Variants in TMTC2 observed in about 807,000 individuals in gnomAD.
TMTC2 encodes transmembrane O-mannosyltransferase targeting cadherins 2.
In TMTC2, 43 loss-of-function variants were observed where a neutral mutation model predicts 82.4. The ratio of observed to expected loss-of-function variants is 0.52; its 90% CI spans 0.41 to 0.67. TMTC2 has a LOEUF of 0.67. Ranked by LOEUF, TMTC2 falls within the 30% of genes least tolerant of loss-of-function variation. The pLI is 0.00. For synonymous variants in TMTC2, 408 were observed against 381.9 expected (o/e 1.07, Z -0.80); for missense variants, 919 against 1,012.4 (o/e 0.91, Z 1.25).
At chr12:82,828,112 C>T (rs1348621687) in intron 1 of TMTC2, among the ~76,000 whole-genome samples, 3 of 151,560 alleles carry the variant, frequency 2.0e-5, no homozygotes, top group Non-Finnish European at 2.9e-5. Context: ...AGGCTGTTCT[C>T]GAATTCCTGA....
At chr12:82,832,823 C>A (rs888164619) in intron 1 of TMTC2, among the ~76,000 whole-genome samples, 4 of 152,132 alleles carry the variant, frequency 2.6e-5, no homozygotes, top group African/African-American at 9.7e-5. Context: ...GAAAAAGGGA[C>A]GGAAGACAAA....
chr12:82,698,233 A>T (rs939124751), intron 1 of TMTC2, among the ~76,000 whole-genome samples: 1 of 152,200 alleles, frequency 6.6e-6, no homozygotes, highest in African/African-American at 2.4e-5. Flanking sequence ...TACTGTATGT[A>T]CTGTGTAGTA....
At chr12:82,704,988 C>T (rs897800533) in intron 1 of TMTC2, among the ~76,000 whole-genome samples, 1 of 152,080 alleles carries the variant, frequency 6.6e-6, no homozygotes, top group African/African-American at 2.4e-5. Context: ...CATATGTATA[C>T]GATGGAATAT....
At chr12:82,745,225 G>A (rs75264939) in intron 1 of TMTC2, among the ~76,000 whole-genome samples, 2,555 of 152,040 alleles carry the variant, frequency 0.017, 64 homozygotes, top group African/African-American at 0.059. Flanking sequence ...AAGCAGTTCA[G>A]GACGTACATC....
intron 3 of TMTC2, among the ~76,000 whole-genome samples, chr12:82,921,613 T>C (rs1875399138): frequency 6.6e-6 from 1 of 152,218 alleles, no homozygotes; most frequent in South Asian, 2.1e-4. Context: ...ATGAAGTTTA[T>C]TTTGTTTAAA....
intron 11 of TMTC2, among the ~76,000 whole-genome samples, chr12:83,075,030 G>C (rs771838870): frequency 1.3e-5 from 2 of 152,156 alleles, no homozygotes; most frequent in African/African-American, 2.4e-5. Flanking sequence ...CTTGGGGACC[G>C]AGCGAGCTCC....
intron 1 of TMTC2, among the ~76,000 whole-genome samples, chr12:82,801,249 T>C (rs1878981639): frequency 6.6e-6 from 1 of 152,038 alleles, no homozygotes; most frequent in Admixed American, 6.6e-5. Flanking sequence ...AAAGGCGGTG[T>C]GTCCGGAGTT....
chr12:82,779,123 A>G (rs1245885402), intron 1 of TMTC2, among the ~76,000 whole-genome samples: 1 of 151,884 alleles, frequency 6.6e-6, no homozygotes, highest in Non-Finnish European at 1.5e-5. Context: ...AGAGGAGGGC[A>G]TTCCAGACAG....
intron 7 of TMTC2, among the ~76,000 whole-genome samples, chr12:82,970,527 G>T (rs563569921): frequency 0.015 from 2,290 of 149,530 alleles, 28 homozygotes; most frequent in Non-Finnish European, 0.025. Flanking sequence ...TAGAGACGGG[G>T]TTTCACCTTG....
intron 8 of TMTC2, among the ~76,000 whole-genome samples, chr12:83,012,162 G>C (rs1210097761): frequency 5.3e-5 from 8 of 152,116 alleles, no homozygotes; most frequent in African/African-American, 1.9e-4. Context: ...CTAGTCTAGT[G>C]TATCAGCTTG....
rs768625762 is a variant in TMTC2 at position 83,051,010 on chromosome 12, C to T, written c.2259C>T (p.His753=). ...TEFDVVFNAA[H]MLRQASLNEA... ...TTGATGTTGTCTTCAATGCTGCCCA[C>T]ATGCTCAGGTTAGTTTTTTTGCTGC... The change falls in exon 10 of 12, where the codon CAC becomes CAT. Residue 753 remains histidine (H), a synonymous_variant. Transcript: ENST00000321196. The T allele has an allele frequency of 1.2e-6, 2 of 1,605,922 alleles. No individual in the cohort carries two copies. The highest frequency in any genetic ancestry group is 1.7e-6 in the Non-Finnish European group (2 of 1,176,238).
chr12:83,130,114 C>G (rs1219824516), intron 11 of TMTC2, among the ~76,000 whole-genome samples: 2 of 152,194 alleles, frequency 1.3e-5, no homozygotes, highest in African/African-American at 4.8e-5. Flanking sequence ...GTTCTCCCTC[C>G]CTATTTCCAC....
intron 2 of TMTC2, among the ~76,000 whole-genome samples, chr12:82,876,156 AG>A (rs1872561805): frequency 1.7e-5 from 2 of 114,968 alleles, no homozygotes; most frequent in African/African-American, 9.7e-5. Flanking sequence ...TGGTGGTGGT[AG>A]TGGTGGTAGT....
At chr12:82,736,990 A>G (rs1875160550) in intron 1 of TMTC2, among the ~76,000 whole-genome samples, 1 of 152,190 alleles carries the variant, frequency 6.6e-6, no homozygotes, top group Non-Finnish European at 1.5e-5. Context: ...CTTAAATCAC[A>G]TAAAATGTAA....
chr12:82,748,855 C>T (rs1875826497), intron 1 of TMTC2, among the ~76,000 whole-genome samples: 1 of 152,102 alleles, frequency 6.6e-6, no homozygotes, highest in Non-Finnish European at 1.5e-5. Flanking sequence ...CCAGCCTGGG[C>T]AACAAGAGCA....
At chr12:82,951,998 C>T (rs574048247) in intron 4 of TMTC2, among the ~76,000 whole-genome samples, 1 of 152,186 alleles carries the variant, frequency 6.6e-6, no homozygotes. Context: ...GTCTGCTATC[C>T]TAAGATAACC....
At chr12:83,098,496 C>G (rs936378062) in intron 11 of TMTC2, among the ~76,000 whole-genome samples, 2 of 152,202 alleles carry the variant, frequency 1.3e-5, no homozygotes, top group Non-Finnish European at 2.9e-5. Context: ...TCCAGTCCTT[C>G]AAATCTATTC....
intron 9 of TMTC2, among the ~76,000 whole-genome samples, chr12:83,040,610 A>AG (rs11441517): frequency 0.81 from 122,020 of 151,490 alleles, 49,283 homozygotes; most frequent in East Asian, 0.9. Flanking sequence ...GCCTTGCTGC[A>AG]GGGTTCCAGC....
chr12:83,039,831 C>T (rs981160421), intron 9 of TMTC2, among the ~76,000 whole-genome samples: 6 of 152,220 alleles, frequency 3.9e-5, no homozygotes, highest in African/African-American at 1.4e-4. Context: ...TTCCAAAAAA[C>T]GAGAAAGAAA....
Sources: allele counts gnomAD v4.1 joint callset (sites outside exome capture counted in the v4.1 genomes callset), GRCh38; gene constraint gnomAD v4.1.1; transcripts MANE v1.5; gene names NCBI Gene and HGNC (gene_info 2026-07-23, HGNC 2026-07-21).